Variants in NR3C2 observed in about 807,000 individuals in gnomAD.
NR3C2 encodes the protein nuclear receptor subfamily 3 group C member 2.
In NR3C2, 15 loss-of-function variants were observed where a neutral mutation model predicts 86.4. The ratio of observed to expected loss-of-function variants is 0.17; its 90% CI spans 0.12 to 0.27. NR3C2 has a LOEUF of 0.27. Among genes scored for constraint, NR3C2 ranks in the 10% least tolerant of loss-of-function variants. The pLI, the probability that NR3C2 is intolerant of heterozygous loss-of-function variation, is 1.00. For missense variants in NR3C2, 960 were observed against 1,195.6 expected, an observed-to-expected ratio of 0.80 and a Z score of 2.91; for synonymous variants, 458 against 450.5, an observed-to-expected ratio of 1.02 and a Z score of -0.21.
chr4:148,437,832 C>T (rs771677972), intron 1 of NR3C2, among the ~76,000 whole-genome samples: 1 of 152,186 alleles, frequency 6.6e-6, no homozygotes, highest in Non-Finnish European at 1.5e-5. Flanking sequence ...ACAAAAGAGA[C>T]ACAATCCCCA....
chr4:148,390,788 A>C (rs184371160), intron 2 of NR3C2, among the ~76,000 whole-genome samples: 1 of 152,272 alleles, frequency 6.6e-6, no homozygotes, highest in African/African-American at 2.4e-5. Flanking sequence ...AGGCCCCAAA[A>C]ATTGTTATAA....
chr4:148,318,436 C>G (rs1382476333), intron 2 of NR3C2, among the ~76,000 whole-genome samples: 2 of 149,076 alleles, frequency 1.3e-5, no homozygotes, highest in Non-Finnish European at 3.0e-5. Context: ...TTCTAGATCC[C>G]TGAGGAATCG....
chr4:148,259,228 T>C (rs1463778485), intron 3 of NR3C2, among the ~76,000 whole-genome samples: 1 of 152,210 alleles, frequency 6.6e-6, no homozygotes, highest in African/African-American at 2.4e-5. Context: ...AATGAATCTT[T>C]TACTAATAGC....
At chr4:148,158,752 T>G (rs969733841) in intron 4 of NR3C2, among the ~76,000 whole-genome samples, 3 of 152,210 alleles carry the variant, frequency 2.0e-5, no homozygotes, top group African/African-American at 7.2e-5. Context: ...TTAAGGTCAA[T>G]GATAGGAAAT....
At chr4:148,237,530 AGAG>A (rs778673924) in intron 3 of NR3C2, among the ~76,000 whole-genome samples, 3 of 152,206 alleles carry the variant, frequency 2.0e-5, no homozygotes, top group Non-Finnish European at 2.9e-5. Flanking sequence ...TTTATAAACC[AGAG>A]GGATTTTCCA....
chr4:148,285,876 A>T (rs138482085), intron 2 of NR3C2, among the ~76,000 whole-genome samples: 151 of 152,352 alleles, frequency 9.9e-4, no homozygotes, highest in African/African-American at 3.4e-3. Context: ...TCAATGTTCT[A>T]TTTCACATAT....
intron 5 of NR3C2, among the ~76,000 whole-genome samples, chr4:148,153,888 C>T (rs1459887497): frequency 4.6e-5 from 7 of 152,042 alleles, no homozygotes; most frequent in East Asian, 1.9e-4. Flanking sequence ...CGTTATGAGC[C>T]GCTAATAATG....
At chr4:148,088,352 A>G (rs1284214273) in intron 8 of NR3C2, among the ~76,000 whole-genome samples, 4 of 152,216 alleles carry the variant, frequency 2.6e-5, no homozygotes, top group African/African-American at 7.2e-5. Flanking sequence ...TGACCCAGCA[A>G]TCCTATTACT....
At chr4:148,136,055 T>G (rs1359169031) in intron 6 of NR3C2, among the ~76,000 whole-genome samples, 1 of 10,328 alleles carries the variant, frequency 9.7e-5, no homozygotes, top group Non-Finnish European at 1.4e-4. Context: ...AGACTCCGTC[T>G]CAAAAAAAAA....
At chr4:148,444,159 T>G, upstream of NR3C2, 1 of 985,346 alleles carries the variant, frequency 1.0e-6, no homozygotes, top group South Asian at 4.7e-5. Flanking sequence ...ACCTAGAGCC[T>G]GGGCACGCGA....
chr4:148,302,209 A>G (rs1194680552), intron 2 of NR3C2, among the ~76,000 whole-genome samples: 2 of 152,228 alleles, frequency 1.3e-5, no homozygotes, highest in Admixed American at 6.5e-5. Context: ...AATAAAGAAA[A>G]AATATACAGG....
intron 2 of NR3C2, among the ~76,000 whole-genome samples, chr4:148,319,229 G>A (rs1579150234): frequency 6.6e-6 from 1 of 152,030 alleles, no homozygotes; most frequent in Admixed American, 6.6e-5. Flanking sequence ...CTGTTCCATT[G>A]ACCTATATCT....
chr4:148,235,518 G>A lies in NR3C2; in HGVS notation c.1897+24460C>T, dbSNP rs574504471. Among the ~76,000 whole-genome samples, 266 of 152,116 alleles carry A rather than the reference G, an allele frequency of 1.7e-3. 1 individual carries two copies. The highest frequency in any genetic ancestry group is 3.4e-3 in the Middle Eastern group (1 of 294). ...ATAAGAATTAAAAGCAGAATTGTTC[G>A]GTGGACTTTTCTTAAAGTTTAAAAT... On this transcript the variant is annotated intron_variant, in intron 3 of 8. Coordinates refer to ENST00000358102, the MANE Select transcript of NR3C2 (RefSeq NM_000901.5).
At chr4:148,363,502 ATC>A (rs1290653350) in intron 2 of NR3C2, among the ~76,000 whole-genome samples, 2 of 16,234 alleles carry the variant, frequency 1.2e-4, no homozygotes, top group East Asian at 2.2e-3. Context: ...CTTCTCATAG[ATC>A]TCTTTTTTTT....
intron 2 of NR3C2, among the ~76,000 whole-genome samples, chr4:148,357,869 A>G (rs1745626769): frequency 6.6e-6 from 1 of 152,254 alleles, no homozygotes; most frequent in Admixed American, 6.5e-5. Context: ...AAATGAATAA[A>G]CATCAGGAAT....
intron 2 of NR3C2, among the ~76,000 whole-genome samples, chr4:148,431,437 T>G (rs2126640629): frequency 6.6e-6 from 1 of 152,280 alleles, no homozygotes; most frequent in Admixed American, 6.5e-5. Context: ...TTAGTTCAAC[T>G]TAATCACTTT....
chr4:148,410,534 T>G (rs1748642588), intron 2 of NR3C2, among the ~76,000 whole-genome samples: 1 of 152,172 alleles, frequency 6.6e-6, no homozygotes, highest in South Asian at 2.1e-4. Flanking sequence ...TAACACTACA[T>G]CCTAGTTTAA....
At chr4:148,114,030 C>G in intron 8 of NR3C2, 74 bp downstream of exon 8, 5 of 1,568,532 alleles carry the variant, frequency 3.2e-6, no homozygotes, top group Non-Finnish European at 4.4e-6. Flanking sequence ...CTCTCAGTCT[C>G]TGTTTCCTTT....
chr4:148,444,112 G>C, upstream of NR3C2: 1 of 985,462 alleles, frequency 1.0e-6, no homozygotes, highest in Non-Finnish European at 1.2e-6. Flanking sequence ...CACGTCGGCA[G>C]AGCGCGGGCG....
Sources: gnomAD v4.1 joint callset for allele counts (sites outside exome capture counted in the v4.1 genomes callset) on GRCh38, gnomAD v4.1.1 for gene constraint, MANE v1.5 for transcripts, NCBI Gene and HGNC (gene_info 2026-07-23, HGNC 2026-07-21) for gene names.